SLC25A26: variants seen among roughly 807,000 people sequenced by gnomAD.
SLC25A26 encodes mitochondrial S-adenosylmethionine carrier protein.
SLC25A26 carries 36 observed loss-of-function variants against 37.8 expected under a neutral mutation model. The ratio of observed to expected loss-of-function variants is 0.95; its 90% CI spans 0.73 to 1.26. SLC25A26 has a LOEUF of 1.26. SLC25A26 is among the 50% of genes most tolerant of loss of function. SLC25A26 has a pLI of 0.00. For synonymous variants in SLC25A26, 129 were observed against 122.5 expected, an observed-to-expected ratio of 1.05 and a Z score of -0.35; for missense variants, 390 against 331.1, an observed-to-expected ratio of 1.18 and a Z score of -1.38.
At chr3:66,169,303 C>T (rs1207099432) in intron 1 of SLC25A26, among the ~76,000 whole-genome samples, 1 of 152,144 alleles carries the variant, frequency 6.6e-6, no homozygotes, top group Non-Finnish European at 1.5e-5. Context: ...TTACTGAAGC[C>T]TTAAATTCAG....
At chr3:66,242,618 C>T (rs1484205704) in intron 2 of SLC25A26, among the ~76,000 whole-genome samples, 1 of 151,960 alleles carries the variant, frequency 6.6e-6, no homozygotes, top group South Asian at 2.1e-4. Flanking sequence ...GTTTTAAAGC[C>T]GTCATATGCA....
At chr3:66,213,648 C>T (rs1216720090) in intron 1 of SLC25A26, among the ~76,000 whole-genome samples, 1 of 152,120 alleles carries the variant, frequency 6.6e-6, no homozygotes, top group African/African-American at 2.4e-5. Flanking sequence ...CCCAAATCCA[C>T]AGTTTACATT....
chr3:66,282,137 G>A (rs1336727663), intron 5 of SLC25A26, among the ~76,000 whole-genome samples: 10 of 148,652 alleles, frequency 6.7e-5, no homozygotes, highest in African/African-American at 2.2e-4. Flanking sequence ...TCAGCCTCCC[G>A]AGTAGCTGGG....
intron 5 of SLC25A26, among the ~76,000 whole-genome samples, chr3:66,280,312 AT>A (rs545177022): frequency 1.6e-4 from 24 of 152,176 alleles, no homozygotes; most frequent in African/African-American, 5.8e-4. Flanking sequence ...TTTCATATAT[AT>A]TTTTTTCATT....
chr3:66,189,021 A>G (rs2070885316), intron 1 of SLC25A26, among the ~76,000 whole-genome samples: 17 of 152,030 alleles, frequency 1.1e-4, no homozygotes, highest in Non-Finnish European at 1.5e-5. Context: ...TCACATCTGG[A>G]TACTCCTCAT....
At chr3:66,220,956 G>T (rs1481975674), upstream of SLC25A26, 3 of 890,808 alleles carry the variant, frequency 3.4e-6, no homozygotes, top group Non-Finnish European at 5.3e-6. Context: ...CGTTGCACGT[G>T]CAGTTGTTGT....
rs1553656263 is a variant in SLC25A26 at position 66,209,898 on chromosome 3, T to TTTTATATATATA, written c.-353-10843_-353-10842insTTATATATATAT. Among the ~76,000 whole-genome samples the TTTTATATATATA allele has an allele frequency of 2.9e-3, 112 of 38,606 alleles. 5 individuals are homozygous for TTTTATATATATA. Among genetic ancestry groups the TTTTATATATATA allele is most frequent in the Non-Finnish European group, 5.0e-3 (99 of 19,902 alleles). 25.3% of individuals were successfully genotyped at this position (38,606 alleles called of 152,430 possible). A position where few individuals can be genotyped will look rare whatever the true frequency, so the allele number is the denominator to read the frequency against. ...TATACTCCTCTCTCTCTCTCTCTATTTATATATATATATATATATATATAT... is the reference window on the plus strand; with the variant it reads ...TATACTCCTCTCTCTCTCTCTCTATTTTTATATATATATATATATATATATATATATATATAT... On this transcript the variant is annotated intron_variant, in intron 1 of 10. Coordinates refer to the SLC25A26 transcript ENST00000676754.
intron 5 of SLC25A26, among the ~76,000 whole-genome samples, chr3:66,344,355 C>G (rs900420587): frequency 1.3e-5 from 2 of 151,838 alleles, no homozygotes; most frequent in Non-Finnish European, 2.9e-5. Context: ...CCCAACTACT[C>G]GGGAGGCTGA....
In SLC25A26 at chr3:66,286,813, C is replaced by G. The variant is rs537050668; in HGVS notation, c.453+23434C>G. 3.3e-5 allele frequency among the ~76,000 whole-genome samples: 5 copies of G among 152,196 alleles called. No homozygotes were observed. The South Asian group carries it at 1.0e-3, about 32-fold the overall frequency. On this transcript the variant is annotated intron_variant, in intron 5 of 9. Coordinates refer to ENST00000354883, the MANE Select transcript of SLC25A26 (RefSeq NM_001379210.1). Reference sequence around the variant, plus strand: ...GAGTAGCTGGGATTACAGGTGTGCACCACCATGCCCTGCTAATTTTTGTAT... The same window carrying G: ...GAGTAGCTGGGATTACAGGTGTGCAGCACCATGCCCTGCTAATTTTTGTAT...
chr3:66,191,869 T>G (rs1260928909), intron 1 of SLC25A26, among the ~76,000 whole-genome samples: 1 of 151,828 alleles, frequency 6.6e-6, no homozygotes, highest in Non-Finnish European at 1.5e-5. Context: ...ATTGTGCTAC[T>G]GCACTCCAGC....
chr3:66,232,700 C>A (rs2072090346), intron 1 of SLC25A26, among the ~76,000 whole-genome samples: 1 of 152,166 alleles, frequency 6.6e-6, no homozygotes, highest in Non-Finnish European at 1.5e-5. Context: ...ACAAAGGGCA[C>A]ATAGTGCGAG....
chr3:66,298,874 T>C (rs931343893), intron 5 of SLC25A26, among the ~76,000 whole-genome samples: 9 of 152,230 alleles, frequency 5.9e-5, no homozygotes, highest in African/African-American at 2.2e-4. Flanking sequence ...CATAGGTTGT[T>C]TCTATTTCAT....
chr3:66,247,259 A>C, intron 3 of SLC25A26, among the ~76,000 whole-genome samples: 1 of 150,124 alleles, frequency 6.7e-6, no homozygotes, highest in Non-Finnish European at 1.5e-5. Context: ...ATTTAAATAT[A>C]AATATAAATA....
At chr3:66,313,359 C>T (rs2075438044) in intron 5 of SLC25A26, among the ~76,000 whole-genome samples, 1 of 152,072 alleles carries the variant, frequency 6.6e-6, no homozygotes, top group Non-Finnish European at 1.5e-5. Context: ...TCTCCCAGCA[C>T]CGTTTATTAA....
intron 1 of SLC25A26, among the ~76,000 whole-genome samples, chr3:66,154,364 T>C (rs998056645): frequency 3.9e-5 from 6 of 152,134 alleles, no homozygotes; most frequent in Non-Finnish European, 8.8e-5. Flanking sequence ...CCTGCCTGGA[T>C]GCCTTCTGCC....
intron 5 of SLC25A26, among the ~76,000 whole-genome samples, chr3:66,313,599 A>G (rs878899674): frequency 6.6e-6 from 1 of 152,086 alleles, no homozygotes; most frequent in East Asian, 1.9e-4. Flanking sequence ...TCTTGGCTGT[A>G]TGAGCTCTTT....
At chr3:66,243,749 G>T (rs2072697169) in intron 3 of SLC25A26, among the ~76,000 whole-genome samples, 1 of 152,148 alleles carries the variant, frequency 6.6e-6, no homozygotes, top group African/African-American at 2.4e-5. Context: ...CTGTATTTCT[G>T]CTCAGAAGGT....
intron 8 of SLC25A26, among the ~76,000 whole-genome samples, chr3:66,369,848 C>T (rs370668173): frequency 6.6e-6 from 1 of 152,318 alleles, no homozygotes; most frequent in South Asian, 2.1e-4. Context: ...GACGAGCCTC[C>T]TGCTATGTGG....
At chr3:66,202,584 A>G (rs1184216748) in intron 1 of SLC25A26, among the ~76,000 whole-genome samples, 1 of 152,034 alleles carries the variant, frequency 6.6e-6, no homozygotes, top group Non-Finnish European at 1.5e-5. Flanking sequence ...GTTGACCTTA[A>G]CAAGGGTAGA....
Sources: allele counts gnomAD v4.1 joint callset (sites outside exome capture counted in the v4.1 genomes callset), GRCh38; gene constraint gnomAD v4.1.1; transcripts MANE v1.5; gene names NCBI Gene and HGNC (gene_info 2026-07-23, HGNC 2026-07-21).